Variants in SEMA6D observed in about 807,000 individuals in gnomAD.
SEMA6D encodes the protein semaphorin 6D, also known as semaphorin-6D.
SEMA6D carries 35 observed loss-of-function variants against 106.6 expected under a neutral mutation model. The observed-to-expected ratio is 0.33, with a 90% CI of 0.25 to 0.44. SEMA6D has a LOEUF of 0.44. Among genes scored for constraint, SEMA6D ranks in the 20% least tolerant of loss-of-function variants. The pLI is 1.00. For synonymous variants in SEMA6D, 499 were observed against 487.7 expected, an observed-to-expected ratio of 1.02 and a Z score of -0.31; for missense variants, 1,185 against 1,345.9, an observed-to-expected ratio of 0.88 and a Z score of 1.87.
chr15:47,440,142 G>A (rs901285359), intron 2 of SEMA6D, among the ~76,000 whole-genome samples: 13 of 126,212 alleles, frequency 1.0e-4, no homozygotes, highest in Non-Finnish European at 1.8e-4. Context: ...GAGACTGGAT[G>A]AAAGCAGTGG....
At chr15:47,552,525 TAC>T (rs144968308) in intron 3 of SEMA6D, among the ~76,000 whole-genome samples, 17,716 of 129,934 alleles carry the variant, frequency 0.14, 1,394 homozygotes, top group East Asian at 0.29. Flanking sequence ...TATATATGTA[TAC>T]ACACACACAC....
chr15:47,253,260 C>T (rs1011422595), intron 1 of SEMA6D, among the ~76,000 whole-genome samples: 4 of 152,184 alleles, frequency 2.6e-5, no homozygotes, highest in African/African-American at 9.6e-5. Flanking sequence ...GCATGTTAAA[C>T]TCTGTCAGAT....
chr15:47,502,965 G>T (rs1270167272), intron 3 of SEMA6D, among the ~76,000 whole-genome samples: 1 of 152,142 alleles, frequency 6.6e-6, no homozygotes, highest in Non-Finnish European at 1.5e-5. Flanking sequence ...GTCTCATTTT[G>T]TGTTTTCATT....
intron 1 of SEMA6D, among the ~76,000 whole-genome samples, chr15:47,208,231 A>G (rs1023793204): frequency 3.3e-5 from 5 of 152,270 alleles, no homozygotes; most frequent in Non-Finnish European, 5.9e-5. Flanking sequence ...TATACTGATT[A>G]AATTAGTTAA....
intron 1 of SEMA6D, among the ~76,000 whole-genome samples, chr15:47,331,804 C>T (rs1231900432): frequency 1.3e-5 from 2 of 152,152 alleles, no homozygotes; most frequent in Non-Finnish European, 2.9e-5. Flanking sequence ...ACATTTCTGT[C>T]CCTTGCCATT....
intron 1 of SEMA6D, among the ~76,000 whole-genome samples, chr15:47,238,588 C>T (rs1477100707): frequency 1.3e-5 from 2 of 152,012 alleles, no homozygotes; most frequent in African/African-American, 4.8e-5. Flanking sequence ...CCAAGAGTGC[C>T]TAGCACAGTA....
intron 4 of SEMA6D, among the ~76,000 whole-genome samples, chr15:47,637,646 C>A (rs1049379340): frequency 1.3e-5 from 2 of 152,056 alleles, no homozygotes; most frequent in African/African-American, 4.8e-5. Flanking sequence ...CTATAATAAG[C>A]TTTTGGAAGT....
intron 1 of SEMA6D, among the ~76,000 whole-genome samples, chr15:47,257,060 C>CTT (rs531171004): frequency 0.014 from 1,907 of 137,782 alleles, 32 homozygotes; most frequent in Non-Finnish European, 0.017. Context: ...GAACAGAATT[C>CTT]TTTTTTTTTT....
intron 3 of SEMA6D, among the ~76,000 whole-genome samples, chr15:47,477,220 G>A (rs2043027706): frequency 6.6e-6 from 1 of 152,058 alleles, no homozygotes; most frequent in African/African-American, 2.4e-5. Context: ...ATGAACTCTT[G>A]CTGGAGTCTG....
intron 1 of SEMA6D, among the ~76,000 whole-genome samples, chr15:47,245,467 T>C (rs552355391): frequency 6.6e-6 from 1 of 152,222 alleles, no homozygotes; most frequent in East Asian, 1.9e-4. Flanking sequence ...GTGGGCACAG[T>C]GAGGAAGAAA....
intron 1 of SEMA6D, among the ~76,000 whole-genome samples, chr15:47,195,644 C>T (rs950356571): frequency 2.2e-4 from 33 of 152,076 alleles, no homozygotes; most frequent in Admixed American, 2.0e-3. Flanking sequence ...TCACGGGAGA[C>T]TTTCCTAATG....
chr15:47,387,446 CT>C (rs1176758844), intron 1 of SEMA6D, among the ~76,000 whole-genome samples: 3 of 152,162 alleles, frequency 2.0e-5, no homozygotes, highest in Non-Finnish European at 2.9e-5. Context: ...GTACCATAAA[CT>C]TTTTGAGTCC....
intron 4 of SEMA6D, among the ~76,000 whole-genome samples, chr15:47,609,957 A>C (rs1483433753): frequency 6.6e-6 from 1 of 152,152 alleles, no homozygotes; most frequent in Non-Finnish European, 1.5e-5. Context: ...GTTCTGCCTA[A>C]TGACCCTGTC....
chr15:47,627,325 AT>A (rs1376985748), intron 4 of SEMA6D, among the ~76,000 whole-genome samples: 1 of 152,158 alleles, frequency 6.6e-6, no homozygotes, highest in South Asian at 2.1e-4. Context: ...CAGAGGGAGT[AT>A]TTAAATGTGC....
chr15:47,442,830 T>C (rs2041922442), intron 2 of SEMA6D, among the ~76,000 whole-genome samples: 1 of 152,114 alleles, frequency 6.6e-6, no homozygotes, highest in East Asian at 1.9e-4. Context: ...AAAGGCTTTG[T>C]TGTAAAATAG....
intron 3 of SEMA6D, among the ~76,000 whole-genome samples, chr15:47,530,660 T>C (rs887038868): frequency 2.0e-5 from 3 of 152,212 alleles, no homozygotes; most frequent in Non-Finnish European, 2.9e-5. Context: ...GAAGAGATGA[T>C]TTTAAGATCA....
intron 3 of SEMA6D, among the ~76,000 whole-genome samples, chr15:47,599,823 A>G (rs1383066323): frequency 6.6e-6 from 1 of 152,136 alleles, no homozygotes; most frequent in Non-Finnish European, 1.5e-5. Context: ...AATTTTGCCC[A>G]TTAAGAAAGA....
chr15:47,304,743 C>T (rs1328735937), intron 1 of SEMA6D, among the ~76,000 whole-genome samples: 1 of 152,122 alleles, frequency 6.6e-6, no homozygotes, highest in Admixed American at 6.5e-5. Flanking sequence ...TCCTAAATTG[C>T]ATTGAGTTGA....
chr15:47,665,746 G>T (rs1219194946), intron 4 of SEMA6D, among the ~76,000 whole-genome samples: 1 of 152,202 alleles, frequency 6.6e-6, no homozygotes, highest in Non-Finnish European at 1.5e-5. Flanking sequence ...GGAGGTGGAG[G>T]TTGCAGTGAG....
Sources: allele counts gnomAD v4.1 joint callset (sites outside exome capture counted in the v4.1 genomes callset), GRCh38; gene constraint gnomAD v4.1.1; transcripts MANE v1.5; gene names NCBI Gene and HGNC (gene_info 2026-07-23, HGNC 2026-07-21).